Variants in PRX observed in about 807,000 individuals in gnomAD.
The protein encoded by PRX is periaxin.
A neutral mutation model predicts 29.6 loss-of-function variants in PRX; 24 were observed. The ratio of observed to expected loss-of-function variants is 0.81; its 90% CI spans 0.59 to 1.14. The LOEUF is 1.14. Ranked by LOEUF, PRX falls within the 50% of genes most tolerant of loss-of-function variation. The pLI is 0.00. For synonymous variants in PRX, 772 were observed against 831.7 expected (o/e 0.93, Z 1.24); for missense variants, 1,838 against 1,926.4 (o/e 0.95, Z 0.86).
Position 40,395,690 on chromosome 19 carries a change from C to A in PRX, c.2662G>T (p.Ala888Ser), listed in dbSNP as rs1312307558. Reference sequence around the variant, plus strand: ...AAGCCCACTTCCCTGACCCCTGCTGCCACCTCAGGGCCCTCCACCCGCTCT... The same window carrying A: ...AAGCCCACTTCCCTGACCCCTGCTGACACCTCAGGGCCCTCCACCCGCTCT... ...KGERVEGPEVAAGVREVGFRV... is the reference protein window; with the variant it reads ...KGERVEGPEVSAGVREVGFRV... The change falls in exon 7 of 7, where the codon GCA becomes TCA. Residue 888 changes from alanine (A) to serine (S), a missense_variant. Around this residue, in one of 3 missense-constraint regions of PRX, gnomAD observed 1,143 missense variants for 1,193.0 expected, o/e 0.96. Transcript: ENST00000324001. 1 of 1,614,136 alleles carries A rather than the reference C, an allele frequency of 6.2e-7. No individual in the cohort carries two copies. Among genetic ancestry groups the A allele is most frequent in the Non-Finnish European group, 8.5e-7 (1 of 1,179,982 alleles).
Position 40,395,032 on chromosome 19 carries a change from T to C in PRX, c.3320A>G (p.Gln1107Arg), listed in dbSNP as rs768815592. 1.9e-6 allele frequency: 3 copies of C among 1,610,906 alleles called. No individual in the cohort carries two copies. Among genetic ancestry groups the C allele is most frequent in the Admixed American group, 1.7e-5 (1 of 60,010 alleles). Residue 1107 changes from glutamine to arginine, a missense_variant, in exon 7 of 7, where the codon CAG (glutamine) becomes CGG (arginine). By Grantham distance (43) the Gln-to-Arg change is conservative (BLOSUM62 1). Coordinates refer to ENST00000324001, the MANE Select transcript of PRX (RefSeq NM_181882.3). ...AGCCCCCTCTGCCCTCCCTTCCTCC[T>C]GGGCGCCCAGCGTGACCAGCTCCAC... ...PEVELVTLGAQEEGRAEGAVA... is the reference protein window; with the variant it reads ...PEVELVTLGAREEGRAEGAVA...
chr19:40,406,408 G>C (rs1046461308), intron 4 of PRX, among the ~76,000 whole-genome samples: 11 of 151,978 alleles, frequency 7.2e-5, no homozygotes, highest in African/African-American at 2.7e-4. Context: ...TCTCCCTATA[G>C]CCTTGGGCAG....
At chr19:40,408,846 T>TGTGTGTGTGA (rs1555802644) in intron 1 of PRX, among the ~76,000 whole-genome samples, 5 of 148,240 alleles carry the variant, frequency 3.4e-5, no homozygotes, top group African/African-American at 1.3e-4. Flanking sequence ...TGTGTGTGTG[T>TGTGTGTGTGA]GAGAGAGAGA....
chr19:40,395,308 T>A lies in PRX; in HGVS notation c.3044A>T (p.Lys1015Met). 6.2e-7 allele frequency: 1 copy of A among 1,613,600 alleles called. No individual in the cohort carries two copies. The highest frequency in any genetic ancestry group is 8.5e-7 in the Non-Finnish European group (1 of 1,180,008). The change falls in exon 7 of 7, where the codon AAG becomes ATG. Residue 1015 changes from lysine (K) to methionine (M), a missense_variant. Physicochemically the swap from Lys to Met is moderately conservative, Grantham distance 95. Coordinates refer to ENST00000324001, the MANE Select transcript of PRX (RefSeq NM_181882.3). ...GAGAGCAAACCTGGGCCCCTTGAAC[T>A]TGAGGTCGGCCCCTGCCACCTCTAC... ...GKVEVAGADL[K>M]FKGPRFALPK...
chr19:40,394,997 T>A lies in PRX; in HGVS notation c.3355A>T (p.Ser1119Cys). 6.2e-7 allele frequency: 1 copy of A among 1,609,208 alleles called. No homozygotes were observed. Among genetic ancestry groups the A allele is most frequent in the Non-Finnish European group, 8.5e-7 (1 of 1,179,786 alleles). The change falls in exon 7 of 7, where the codon AGT becomes TGT. Residue 1119 changes from serine to cysteine, a missense_variant. By Grantham distance (112) the Ser-to-Cys change is moderately radical. Around this residue, in one of 3 missense-constraint regions of PRX, gnomAD observed 1,143 missense variants for 1,193.0 expected, o/e 0.96. Coordinates refer to ENST00000324001, the MANE Select transcript of PRX (RefSeq NM_181882.3). This position sits in a 1 kb window ranked among gnomAD's most constrained non-coding sequence, Gnocchi z 5.8. ...EGRAEGAVAV[S>C]GMQLSGLKVS... ...TTCAGGCCTGACAGCTGCATTCCAC[T>A]GACGGCCACAGCCCCCTCTGCCCTC... is the stretch of plus-strand genomic sequence containing the variant.
In PRX at chr19:40,395,061, G is replaced by C. The variant is rs760071143; in HGVS notation, c.3291C>G (p.Pro1097=). The change falls in exon 7 of 7, where the codon CCC becomes CCG. Residue 1097 remains proline (P), a synonymous_variant. Transcript: ENST00000324001. ...AESTAVQLKI[P]EVELVTLGAQ... ...CGCCCAGCGTGACCAGCTCCACCTCGGGGATCTTAAGCTGCACAGCGGTGG... is the reference window on the plus strand; with the variant it reads ...CGCCCAGCGTGACCAGCTCCACCTCCGGGATCTTAAGCTGCACAGCGGTGG... The C allele has an allele frequency of 6.2e-7, 1 of 1,612,610 alleles. No individual in the cohort carries two copies. Among genetic ancestry groups the C allele is most frequent in the Non-Finnish European group, 8.5e-7 (1 of 1,179,976 alleles).
chr19:40,403,898 A>G (rs974099108), intron 4 of PRX, 36 bp from the exon 5 acceptor site: 22 of 1,595,994 alleles, frequency 1.4e-5, no homozygotes, highest in African/African-American at 2.7e-5. Flanking sequence ...TTGGGGCTCT[A>G]GGGCCGGACC....
chr19:40,413,854 G>C (rs891066329), upstream of PRX, among the ~76,000 whole-genome samples: 1 of 152,184 alleles, frequency 6.6e-6, no homozygotes, highest in Non-Finnish European at 1.5e-5. Context: ...AAGATTAAAC[G>C]AGTTAAAAGA....
At chr19:40,408,305 G>A (rs1599666300) in intron 2 of PRX, 35 bp downstream of exon 2, 1 of 427,682 alleles carries the variant, frequency 2.3e-6, no homozygotes, top group East Asian at 4.5e-5. Flanking sequence ...CGAGGAAGGG[G>A]TGGGGAGGGG....
Position 40,395,735 on chromosome 19 carries a change from C to G in PRX, c.2617G>C (p.Ala873Pro). ...GALGLQGQVP[A>P]AKMGKGERVE... ...CGCTCTCCCTTGCCCATTTTAGCGG[C>G]TGGGACCTGCCCCTGCAGGCCAAGT... Residue 873 changes from alanine to proline, a missense_variant, in exon 7 of 7, where the codon GCC becomes CCC. By Grantham distance (27) the Ala-to-Pro change is conservative. Coordinates refer to ENST00000324001, the MANE Select transcript of PRX (RefSeq NM_181882.3). The G allele has an allele frequency of 1.2e-6, 2 of 1,614,034 alleles. No individual in the cohort carries two copies. The highest frequency in any genetic ancestry group is 1.7e-6 in the Non-Finnish European group (2 of 1,179,984).
Position 40,397,090 on chromosome 19 carries a change from T to A in PRX, c.1262A>T (p.Lys421Met). ...VESKLKLPTI[K>M]MPSLGIGVSG... ...CACTCCGATGCCAAGGGAGGGCATCTTGATGGTGGGCAGCTTCAGCTTGCT... is the reference window on the plus strand; with the variant it reads ...CACTCCGATGCCAAGGGAGGGCATCATGATGGTGGGCAGCTTCAGCTTGCT... The change falls in exon 7 of 7, where the codon AAG becomes ATG. Residue 421 changes from lysine (K) to methionine (M), a missense_variant. Lys to Met is a moderately conservative substitution (Grantham distance 95, BLOSUM62 -1). Around this residue, in one of 3 missense-constraint regions of PRX, gnomAD observed 666 missense variants for 665.0 expected, o/e 1.00. Coordinates refer to ENST00000324001, the MANE Select transcript of PRX (RefSeq NM_181882.3). 1 of 1,614,092 alleles carries A rather than the reference T, an allele frequency of 6.2e-7. No individual in the cohort carries two copies. Among genetic ancestry groups the A allele is most frequent in the Non-Finnish European group, 8.5e-7 (1 of 1,180,038 alleles).
Position 40,396,331 on chromosome 19 carries a change from G to A in PRX, c.2021C>T (p.Ala674Val), listed in dbSNP as rs1173088958. ...CTCGGGGAGTCGAACCTCTGGCACA[G>A]CCATCTCAGGCATTTTAGGGAGTTT... ...EMKLPKMPEM[A>V]VPEVRLPEVQ... is the part of the protein sequence containing the mutation. The change falls in exon 7 of 7, where the codon GCT becomes GTT. Residue 674 changes from alanine (A) to valine (V), a missense_variant. Transcript: ENST00000324001. The A allele has an allele frequency of 1.2e-6, 2 of 1,609,960 alleles. No homozygotes were observed. The highest frequency in any genetic ancestry group is 1.7e-6 in the Non-Finnish European group (2 of 1,179,414).
In PRX at chr19:40,395,071, A is replaced by C. The variant is rs1270740440; in HGVS notation, c.3281T>G (p.Leu1094Arg). 2 of 1,612,944 alleles carry C rather than the reference A, an allele frequency of 1.2e-6. No homozygotes were observed. Among genetic ancestry groups the C allele is most frequent in the Non-Finnish European group, 1.7e-6 (2 of 1,179,966 alleles). ...GACCAGCTCCACCTCGGGGATCTTA[A>C]GCTGCACAGCGGTGGACTCAGCCTT... ...GEKAESTAVQ[L>R]KIPEVELVTL... Residue 1094 changes from leucine (L) to arginine (R), a missense_variant, in exon 7 of 7, where the codon CTT becomes CGT. Leu to Arg is a moderately radical substitution (Grantham distance 102). Around this residue, in one of 3 missense-constraint regions of PRX, gnomAD observed 1,143 missense variants for 1,193.0 expected, o/e 0.96. Coordinates refer to ENST00000324001, the MANE Select transcript of PRX (RefSeq NM_181882.3).
At chr19:40,401,973 C>T (rs1480066347) in intron 5 of PRX, among the ~76,000 whole-genome samples, 1 of 152,044 alleles carries the variant, frequency 6.6e-6, no homozygotes, top group African/African-American at 2.4e-5. Flanking sequence ...AGGCTGGCCT[C>T]GAACTCCTGA....
chr19:40,399,758 A>G (rs1599658681), intron 5 of PRX, among the ~76,000 whole-genome samples: 1 of 152,114 alleles, frequency 6.6e-6, no homozygotes, highest in South Asian at 2.1e-4. Flanking sequence ...TGCCCAGTCC[A>G]ATCTCAAATT....
chr19:40,403,659 C>A (rs1385304837), intron 5 of PRX, 47 bp downstream of exon 5: 1 of 1,515,784 alleles, frequency 6.6e-7, no homozygotes, highest in Admixed American at 2.0e-5. Context: ...AGATTCCTAA[C>A]CCCGCCCCCG....
At position 40,398,779 on chromosome 19, in the gene PRX, G is replaced by A. The variant is rs2079467164; in HGVS notation, c.222C>T (p.Asn74=). The A allele has an allele frequency of 1.9e-6, 3 of 1,613,988 alleles. No individual in the cohort carries two copies. Among genetic ancestry groups the A allele is most frequent in the Non-Finnish European group, 2.5e-6 (3 of 1,179,970 alleles). ...QLLSARVFFE[N]FKYEDALRLL... Reference sequence around the variant, plus strand: ...GGCGTAGTGCGTCCTCGTACTTGAAGTTCTCGAAGAACACTCGGGCACTCA... The same window carrying A: ...GGCGTAGTGCGTCCTCGTACTTGAAATTCTCGAAGAACACTCGGGCACTCA... Residue 74 remains asparagine (N), a synonymous_variant, in exon 6 of 7, where the codon AAC becomes AAT. Transcript: ENST00000324001. The surrounding 1 kb of genome is among the most constrained non-coding windows in gnomAD (Gnocchi z 6.3).
intron 1 of PRX, among the ~76,000 whole-genome samples, chr19:40,411,560 G>A (rs914047405): frequency 8.5e-5 from 13 of 152,110 alleles, no homozygotes; most frequent in African/African-American, 2.9e-4. Context: ...AAGTTCAGGC[G>A]GGGCAGGGAC....
chr19:40,394,261 C>G lies in PRX; in HGVS notation c.4091G>C (p.Gly1364Ala). 1 of 1,611,732 alleles carries G rather than the reference C, an allele frequency of 6.2e-7. No individual in the cohort carries two copies. The highest frequency in any genetic ancestry group is 8.5e-7 in the Non-Finnish European group (1 of 1,178,426). Residue 1364 changes from glycine to alanine, a missense_variant, in exon 7 of 7, where the codon GGG becomes GCG. By Grantham distance (60) the Gly-to-Ala change is moderately conservative. Coordinates refer to ENST00000324001, the MANE Select transcript of PRX (RefSeq NM_181882.3). This position sits in a 1 kb window ranked among gnomAD's most constrained non-coding sequence, Gnocchi z 5.8. ...GCCCCGGCGACCCGAGGCCCCTTCC[C>G]CACTGCCCTCTTCCTCCTCCTCCTC... is the stretch of plus-strand genomic sequence containing the variant. ...EEEEEEEEGS[G>A]EGASGRRGRV...
Sources: allele counts gnomAD v4.1 joint callset (sites outside exome capture counted in the v4.1 genomes callset), GRCh38; gene constraint gnomAD v4.1.1; regional missense constraint gnomAD v4.1.1; non-coding constraint Gnocchi (gnomAD v3.1); transcripts MANE v1.5; gene names NCBI Gene and HGNC (gene_info 2026-07-23, HGNC 2026-07-21).